The following GPC5 variants were observed in gnomAD, a reference collection of about 807,000 sequenced individuals.
GPC5 encodes the protein glypican 5, also known as glypican-5.
Under a neutral mutation model 53.9 loss-of-function variants are expected in GPC5, and 47 were observed. The ratio of observed to expected loss-of-function variants is 0.87; its 90% CI spans 0.69 to 1.11. The LOEUF (loss-of-function observed/expected upper bound fraction) is 1.11. GPC5 is among the 50% of genes most tolerant of loss of function. GPC5 has a pLI of 0.00. For missense variants in GPC5, 748 were observed against 713.1 expected (o/e 1.05, Z -0.56); for synonymous variants, 286 against 263.3 (o/e 1.09, Z -0.84).
intron 7 of GPC5, among the ~76,000 whole-genome samples, chr13:92,299,695 T>C (rs989125273): frequency 1.3e-5 from 2 of 152,210 alleles, no homozygotes; most frequent in Non-Finnish European, 2.9e-5. Context: ...ATTACTATTC[T>C]AGTTTAAAAA....
At chr13:92,278,779 A>C (rs1046907194) in intron 7 of GPC5, among the ~76,000 whole-genome samples, 5 of 152,040 alleles carry the variant, frequency 3.3e-5, no homozygotes, top group Admixed American at 3.3e-4. Flanking sequence ...TATTTGTTAG[A>C]GATCACTCCT....
chr13:92,165,850 T>C (rs987410896), intron 7 of GPC5, among the ~76,000 whole-genome samples: 4 of 152,180 alleles, frequency 2.6e-5, no homozygotes. Flanking sequence ...CTCTATATGA[T>C]AGGTAATATT....
intron 3 of GPC5, among the ~76,000 whole-genome samples, chr13:91,713,377 G>A (rs1356227476): frequency 2.6e-5 from 4 of 151,676 alleles, no homozygotes; most frequent in Admixed American, 6.6e-5. Context: ...TTGGCAGGAT[G>A]ATGATAGTAA....
At chr13:92,042,030 G>A (rs1401432141) in intron 6 of GPC5, among the ~76,000 whole-genome samples, 1 of 152,156 alleles carries the variant, frequency 6.6e-6, no homozygotes, top group Non-Finnish European at 1.5e-5. Flanking sequence ...ATAGTGCTCT[G>A]AATGAAGCAG....
At chr13:92,561,262 A>G (rs1200513947) in intron 7 of GPC5, among the ~76,000 whole-genome samples, 1 of 151,988 alleles carries the variant, frequency 6.6e-6, no homozygotes, top group Non-Finnish European at 1.5e-5. Context: ...TTGCCAAGAT[A>G]ATGTAAATAT....
rs538215885 is a variant in GPC5 at position 92,608,600 on chromosome 13, G to A, written c.1562-257682G>A. 2.0e-5 allele frequency among the ~76,000 whole-genome samples: 3 copies of A among 152,258 alleles called. No homozygotes were observed. In the East Asian group the frequency reaches 5.8e-4, roughly 29 times the overall value. On this transcript the variant is annotated intron_variant, in intron 7 of 7. Transcript: ENST00000377067. Reference sequence around the variant, plus strand: ...CCAGATATAATAGGGAGTGGAAGAAGTATCCAATATAAAGAAAGAATGCTC... The same window carrying A: ...CCAGATATAATAGGGAGTGGAAGAAATATCCAATATAAAGAAAGAATGCTC...
chr13:92,362,778 G>T (rs1250583834), intron 7 of GPC5, among the ~76,000 whole-genome samples: 1 of 151,694 alleles, frequency 6.6e-6, no homozygotes, highest in East Asian at 1.9e-4. Context: ...CTTCTCTTCA[G>T]GTTAAAAACA....
chr13:92,078,073 A>G (rs1414336279), intron 6 of GPC5, among the ~76,000 whole-genome samples: 1 of 152,228 alleles, frequency 6.6e-6, no homozygotes, highest in South Asian at 2.1e-4. Context: ...ATGTGTATAC[A>G]TCATATATAC....
At position 92,025,528 on chromosome 13, in the gene GPC5, C is replaced by A. The variant is rs577826432; in HGVS notation, c.1401+117471C>A. On this transcript the variant is annotated intron_variant, in intron 6 of 7. Transcript: ENST00000377067. ...GTGAGAATTCCATGTCGGAAGTAGTCAGTGAAGCTGTTGCTGGGGTCTGGC... is the reference window on the plus strand; with the variant it reads ...GTGAGAATTCCATGTCGGAAGTAGTAAGTGAAGCTGTTGCTGGGGTCTGGC... Among the ~76,000 whole-genome samples, 132 of 152,236 alleles carry A rather than the reference C, an allele frequency of 8.7e-4. 1 individual carries two copies. The Middle Eastern group carries it at 0.034, about 39-fold the overall frequency.
intron 7 of GPC5, among the ~76,000 whole-genome samples, chr13:92,472,093 A>G (rs1224660611): frequency 6.6e-6 from 1 of 152,156 alleles, no homozygotes; most frequent in Non-Finnish European, 1.5e-5. Flanking sequence ...CATATTTTGT[A>G]CAGAAACCAT....
At chr13:92,457,283 G>A (rs1878306360) in intron 7 of GPC5, among the ~76,000 whole-genome samples, 1 of 152,034 alleles carries the variant, frequency 6.6e-6, no homozygotes, top group Non-Finnish European at 1.5e-5. Context: ...TCTTTGCTAT[G>A]GTGAATAGTG....
intron 7 of GPC5, among the ~76,000 whole-genome samples, chr13:92,418,365 G>A (rs1393577924): frequency 1.2e-5 from 1 of 82,366 alleles, no homozygotes; most frequent in Non-Finnish European, 2.3e-5. Context: ...CAGATTATTT[G>A]CTGATAGCAC....
intron 6 of GPC5, among the ~76,000 whole-genome samples, chr13:92,129,630 C>A (rs912133464): frequency 6.6e-6 from 1 of 152,098 alleles, no homozygotes; most frequent in African/African-American, 2.4e-5. Flanking sequence ...GAGATTGTAG[C>A]AAAGATTTAA....
chr13:91,564,220 TAGG>T (rs2031423858), intron 2 of GPC5, among the ~76,000 whole-genome samples: 1 of 152,180 alleles, frequency 6.6e-6, no homozygotes, highest in African/African-American at 2.4e-5. Flanking sequence ...TTTCTTCTTT[TAGG>T]AGAAGATTTT....
chr13:92,685,157 C>T (rs1040371626), intron 7 of GPC5, among the ~76,000 whole-genome samples: 2 of 152,044 alleles, frequency 1.3e-5, no homozygotes, highest in Non-Finnish European at 2.9e-5. Flanking sequence ...GTGGTGCAAT[C>T]TCAGCTCAAC....
At chr13:92,715,755 G>A (rs554591601) in intron 7 of GPC5, among the ~76,000 whole-genome samples, 1 of 152,266 alleles carries the variant, frequency 6.6e-6, no homozygotes, top group South Asian at 2.1e-4. Context: ...AGATTCTAGA[G>A]TTTACATGGA....
chr13:91,504,437 TAGAC>T (rs1269350382), intron 2 of GPC5, among the ~76,000 whole-genome samples: 1 of 152,074 alleles, frequency 6.6e-6, no homozygotes, highest in African/African-American at 2.4e-5. Context: ...TTATAGTTAT[TAGAC>T]AGTAGAATTA....
At chr13:91,789,484 AAC>A (rs772153169) in intron 5 of GPC5, among the ~76,000 whole-genome samples, 6 of 152,312 alleles carry the variant, frequency 3.9e-5, no homozygotes, top group Non-Finnish European at 8.8e-5. Context: ...TGGAACTAAA[AAC>A]ACACAGTTAT....
intron 5 of GPC5, among the ~76,000 whole-genome samples, chr13:91,891,340 AC>A (rs1203207015): frequency 1.3e-5 from 2 of 152,146 alleles, no homozygotes; most frequent in Non-Finnish European, 2.9e-5. Flanking sequence ...CCAGGAAGTG[AC>A]AGTTTTTACT....
Sources: allele counts gnomAD v4.1 joint callset (sites outside exome capture counted in the v4.1 genomes callset), GRCh38; gene constraint gnomAD v4.1.1; transcripts MANE v1.5; gene names NCBI Gene and HGNC (gene_info 2026-07-23, HGNC 2026-07-21).